Variants in RILPL1 observed in about 807,000 individuals in gnomAD.
RILPL1 encodes the protein RILP-like protein 1.
In RILPL1, 33 loss-of-function variants were observed where a neutral mutation model predicts 50.3. The observed-to-expected ratio is 0.66, with a 90% CI of 0.50 to 0.88. RILPL1 has a LOEUF of 0.88. RILPL1 is among the 40% of genes least tolerant of loss of function. The pLI is 0.00. For synonymous variants in RILPL1, 205 were observed against 228.6 expected (o/e 0.90, Z 0.93); for missense variants, 418 against 542.5 (o/e 0.77, Z 2.28).
chr12:123,472,452 T>G lies in RILPL1; in HGVS notation c.*86A>C. 1.4e-6 allele frequency: 2 copies of G among 1,431,946 alleles called. No homozygotes were observed. Among genetic ancestry groups the G allele is most frequent in the African/African-American group, 1.4e-5 (1 of 70,142 alleles). The allele number at this position is 1,431,946 out of a possible 1,614,324, so 88.7% of individuals were successfully genotyped here. A position where few individuals can be genotyped will look rare whatever the true frequency, so the allele number is the denominator to read the frequency against. ...CAGGGTGCATCTGCACCGAGAGGCT[T>G]GAGGCAGCAATGACCCCTGGGCTGC... On this transcript the variant is annotated 3_prime_UTR_variant, in exon 7 of 7. Coordinates refer to ENST00000376874, the MANE Select transcript of RILPL1 (RefSeq NM_178314.5).
chr12:123,521,189 T>C (rs1884987730), intron 2 of RILPL1, among the ~76,000 whole-genome samples: 1 of 152,144 alleles, frequency 6.6e-6, no homozygotes, highest in African/African-American at 2.4e-5. Context: ...AAGCGGTCTG[T>C]ACAGATTCAT....
At chr12:123,479,453 A>G (rs1429764405) in intron 6 of RILPL1, among the ~76,000 whole-genome samples, 1 of 152,106 alleles carries the variant, frequency 6.6e-6, no homozygotes, top group African/African-American at 2.4e-5. Context: ...CAGACCAGGT[A>G]GGTGCAGGAG....
At chr12:123,523,385 G>C (rs1007488139) in intron 2 of RILPL1, 110 bp downstream of exon 2, 3 of 1,288,664 alleles carry the variant, frequency 2.3e-6, no homozygotes, top group Non-Finnish European at 3.3e-6. Flanking sequence ...AGGGCTTTGG[G>C]AATCAGCCAG....
intron 6 of RILPL1, among the ~76,000 whole-genome samples, chr12:123,477,548 AGGTT>A (rs547791348): frequency 5.5e-4 from 83 of 152,086 alleles, no homozygotes; most frequent in African/African-American, 1.9e-3. Flanking sequence ...TGTGTTGGCC[AGGTT>A]GGTCTTGAAC....
At position 123,498,807 on chromosome 12, in the gene RILPL1, G is replaced by T; in HGVS notation, c.580-42C>A. 6.3e-7 allele frequency: 1 copy of T among 1,580,072 alleles called. No homozygotes were observed. Among genetic ancestry groups the T allele is most frequent in the South Asian group, 1.1e-5 (1 of 90,552 alleles). On this transcript the variant is annotated intron_variant, in intron 3 of 6. Coordinates refer to ENST00000376874, the MANE Select transcript of RILPL1 (RefSeq NM_178314.5). The surrounding 1 kb of genome is among the most constrained non-coding windows in gnomAD (Gnocchi z 4.3). ...ACCATTGTGCGGGGCTGCCACCTGC[G>T]GTAGCTCAGGTTGTACACTGCACAA...
chr12:123,520,210 G>A (rs899390693), intron 2 of RILPL1, among the ~76,000 whole-genome samples: 3 of 152,194 alleles, frequency 2.0e-5, no homozygotes, highest in African/African-American at 7.2e-5. Context: ...TAGATGAGTG[G>A]GCAAACGACA....
chr12:123,490,399 C>T (rs973924282), intron 4 of RILPL1, among the ~76,000 whole-genome samples: 37 of 152,140 alleles, frequency 2.4e-4, no homozygotes, highest in African/African-American at 8.9e-4. Flanking sequence ...TCTGTGAACA[C>T]ACACTTTCAA....
Position 123,471,133 on chromosome 12 carries a change from C to T in RILPL1, c.*1405G>A, listed in dbSNP as rs1330612275. On this transcript the variant is annotated 3_prime_UTR_variant, in exon 7 of 7. Coordinates refer to ENST00000376874, the MANE Select transcript of RILPL1 (RefSeq NM_178314.5). ...TCGCCCAGGCTGGAGTGCAATGGCA[C>T]GATCTAGGCTCACTGCAACCTCTGC... 2.0e-5 allele frequency: 3 copies of T among 150,568 alleles called. No homozygotes were observed. Among genetic ancestry groups the T allele is most frequent in the East Asian group, 2.0e-4 (1 of 5,122 alleles). 9.3% of individuals were successfully genotyped at this position (150,568 alleles called of 1,614,324 possible). A position where few individuals can be genotyped will look rare whatever the true frequency, so the allele number is the denominator to read the frequency against.
chr12:123,512,344 A>G (rs1884364977), intron 2 of RILPL1, among the ~76,000 whole-genome samples: 1 of 90,254 alleles, frequency 1.1e-5, no homozygotes. Context: ...GTGGTGTGTG[A>G]GGTCTGTATG....
chr12:123,487,519 C>T (rs1882423687), intron 4 of RILPL1, among the ~76,000 whole-genome samples: 1 of 152,118 alleles, frequency 6.6e-6, no homozygotes, highest in Non-Finnish European at 1.5e-5. Context: ...GTTGGTCAGG[C>T]TGGTCTTGAA....
At chr12:123,518,803 A>C (rs1884854853) in intron 2 of RILPL1, among the ~76,000 whole-genome samples, 1 of 152,048 alleles carries the variant, frequency 6.6e-6, no homozygotes, top group Non-Finnish European at 1.5e-5. Context: ...TCATGCCTGT[A>C]ATCCCAGCAC....
At chr12:123,506,435 G>A (rs1883756323) in intron 2 of RILPL1, among the ~76,000 whole-genome samples, 1 of 152,222 alleles carries the variant, frequency 6.6e-6, no homozygotes, top group South Asian at 2.1e-4. Flanking sequence ...GTGCAAGGCA[G>A]GAGGGTCAGG....
chr12:123,477,340 T>C (rs1249341629), intron 6 of RILPL1, among the ~76,000 whole-genome samples: 2 of 41,156 alleles, frequency 4.9e-5, no homozygotes, highest in African/African-American at 8.3e-5. Flanking sequence ...TTTCTTTCTT[T>C]TTTTTTTTTT....
intron 6 of RILPL1, among the ~76,000 whole-genome samples, chr12:123,477,806 G>A (rs1179184995): frequency 6.6e-6 from 1 of 151,892 alleles, no homozygotes; most frequent in Admixed American, 6.6e-5. Flanking sequence ...ACCCAAAGAG[G>A]GTGCCCACAA....
intron 2 of RILPL1, among the ~76,000 whole-genome samples, chr12:123,501,245 T>C (rs1022756599): frequency 6.6e-6 from 1 of 151,580 alleles, no homozygotes; most frequent in Non-Finnish European, 1.5e-5. Context: ...GAGAGCAGCC[T>C]GGGCAACATA....
intron 6 of RILPL1, among the ~76,000 whole-genome samples, chr12:123,478,374 C>T (rs1361340875): frequency 1.3e-5 from 2 of 152,038 alleles, no homozygotes; most frequent in Non-Finnish European, 2.9e-5. Context: ...CCTGCGGAAG[C>T]CATCTCCTCT....
Position 123,498,802 on chromosome 12 carries a change from C to A in RILPL1, c.580-37G>T. The stretch of plus-strand genomic sequence containing the variant: ...GGGAGACCATTGTGCGGGGCTGCCA[C>A]CTGCGGTAGCTCAGGTTGTACACTG... On this transcript the variant is annotated intron_variant, in intron 3 of 6. Transcript: ENST00000376874. This position sits in a 1 kb window ranked among gnomAD's most constrained non-coding sequence, Gnocchi z 4.3. The A allele has an allele frequency of 6.3e-7, 1 of 1,591,954 alleles. No individual in the cohort carries two copies. Among genetic ancestry groups the A allele is most frequent in the Non-Finnish European group, 8.6e-7 (1 of 1,166,422 alleles).
intron 5 of RILPL1, among the ~76,000 whole-genome samples, chr12:123,484,650 C>CTTT (rs61080090): frequency 1.7e-4 from 19 of 110,136 alleles, no homozygotes; most frequent in South Asian, 8.6e-4. Context: ...ACTCTCCCAT[C>CTTT]TTTTTTTTTT....
intron 1 of RILPL1, among the ~76,000 whole-genome samples, chr12:123,531,872 AAATT>A (rs763642572): frequency 6.6e-6 from 1 of 152,170 alleles, no homozygotes; most frequent in African/African-American, 2.4e-5. Context: ...AGGAGTCTTG[AAATT>A]AATTACAGGT....
Sources: gnomAD v4.1 joint callset for allele counts (sites outside exome capture counted in the v4.1 genomes callset) on GRCh38, gnomAD v4.1.1 for gene constraint, Gnocchi (gnomAD v3.1) non-coding constraint, MANE v1.5 for transcripts, NCBI Gene and HGNC (gene_info 2026-07-23, HGNC 2026-07-21) for gene names.